Variants in TVP23C observed in about 807,000 individuals in gnomAD.
The protein encoded by TVP23C is Golgi apparatus membrane protein TVP23 homolog C.
In TVP23C, 19 loss-of-function variants were observed where a neutral mutation model predicts 28.7. The observed-to-expected ratio is 0.66, with a 90% CI of 0.46 to 0.97. The LOEUF is 0.97. TVP23C is among the 50% of genes least tolerant of loss of function. The pLI is 0.00. For missense variants in TVP23C, 186 were observed against 241.3 expected (o/e 0.77, Z 1.52); for synonymous variants, 68 against 81.7 (o/e 0.83, Z 0.90).
chr17:15,519,145 A>C (rs1466470761), intron 5 of TVP23C, among the ~76,000 whole-genome samples: 1 of 152,146 alleles, frequency 6.6e-6, no homozygotes, highest in Non-Finnish European at 1.5e-5. Flanking sequence ...ACCCAGTCTC[A>C]GGTGGTTTTT....
chr17:15,544,142 T>G (rs1457139138), intron 5 of TVP23C, among the ~76,000 whole-genome samples: 1 of 151,452 alleles, frequency 6.6e-6, no homozygotes, highest in African/African-American at 2.4e-5. Flanking sequence ...CTCCAAGATA[T>G]TCAGTGAAAG....
intron 3 of TVP23C, among the ~76,000 whole-genome samples, chr17:15,547,398 T>G (rs1213767016): frequency 3.3e-5 from 5 of 151,914 alleles, no homozygotes; most frequent in Non-Finnish European, 4.4e-5. Context: ...CCTTCTCTTT[T>G]CCCTCATGAA....
intron 3 of TVP23C, among the ~76,000 whole-genome samples, chr17:15,551,543 T>C (rs1243303809): frequency 6.6e-6 from 1 of 152,192 alleles, no homozygotes; most frequent in Non-Finnish European, 1.5e-5. Context: ...CTACCTCTTC[T>C]TTATCTTCAT....
chr17:15,522,704 A>G (rs1157160445), intron 5 of TVP23C, among the ~76,000 whole-genome samples: 1 of 152,194 alleles, frequency 6.6e-6, no homozygotes, highest in African/African-American at 2.4e-5. Context: ...AGAAGTCATA[A>G]AAGTTGGTAA....
chr17:15,517,018 T>C (rs1982257039), intron 5 of TVP23C, among the ~76,000 whole-genome samples: 1 of 152,242 alleles, frequency 6.6e-6, no homozygotes, highest in Non-Finnish European at 1.5e-5. Flanking sequence ...AAGCCCCCCA[T>C]CAGTCAGTTC....
intron 5 of TVP23C, among the ~76,000 whole-genome samples, chr17:15,504,046 A>G (rs1295683449): frequency 6.6e-6 from 1 of 152,166 alleles, no homozygotes; most frequent in Non-Finnish European, 1.5e-5. Flanking sequence ...CAGTCTCCTG[A>G]GAGCAAGCAT....
chr17:15,526,946 TAGG>T (rs982023113), intron 5 of TVP23C, among the ~76,000 whole-genome samples: 3 of 152,212 alleles, frequency 2.0e-5, no homozygotes, highest in African/African-American at 4.8e-5. Flanking sequence ...ATAAAATTTA[TAGG>T]AGGTCATTGG....
exon 6 of TVP23C, chr17:15,502,671 T>C (rs1376038955): frequency 5.1e-6 from 5 of 988,278 alleles, no homozygotes; most frequent in Non-Finnish European, 4.2e-6. Flanking sequence ...TTCTGCCCTT[T>C]TCCCCTTAGT....
At chr17:15,518,507 C>T (rs796819403) in intron 5 of TVP23C, among the ~76,000 whole-genome samples, 1 of 152,210 alleles carries the variant, frequency 6.6e-6, no homozygotes, top group African/African-American at 2.4e-5. Flanking sequence ...CAGCTGGGCT[C>T]TCAGCAGCTG....
intron 5 of TVP23C, among the ~76,000 whole-genome samples, chr17:15,524,372 G>A (rs547491634): frequency 2.6e-4 from 39 of 152,196 alleles, no homozygotes; most frequent in Admixed American, 6.5e-4. Flanking sequence ...ATCCAGCTCT[G>A]TTCTAGGTAC....
At chr17:15,552,365 C>G (rs1422425682) in intron 3 of TVP23C, among the ~76,000 whole-genome samples, 1 of 152,176 alleles carries the variant, frequency 6.6e-6, no homozygotes, top group Non-Finnish European at 1.5e-5. Flanking sequence ...CATCACCAAG[C>G]CAACCACTTC....
chr17:15,539,284 C>A lies in TVP23C; in HGVS notation c.*1128G>T. On this transcript the variant is annotated 3_prime_UTR_variant, in exon 6 of 6. Transcript: ENST00000518321. ...AATATCACTTGCCCAACCTACTGTA[C>A]TAACCAAATGCAAGGTATTACTCAT... The A allele has an allele frequency of 1.0e-6, 1 of 985,436 alleles. No individual in the cohort carries two copies. 61.0% of individuals were successfully genotyped at this position (985,436 alleles called of 1,614,324 possible). A position where few individuals can be genotyped will look rare whatever the true frequency, so the allele number is the denominator to read the frequency against.
intron 5 of TVP23C, among the ~76,000 whole-genome samples, chr17:15,514,968 G>C (rs999329730): frequency 6.6e-6 from 1 of 152,132 alleles, no homozygotes; most frequent in African/African-American, 2.4e-5. Context: ...CAGGTTAGGG[G>C]CATCTTTCCC....
At chr17:15,503,469 C>A in intron 5 of TVP23C, 1 of 412,192 alleles carries the variant, frequency 2.4e-6, no homozygotes, top group Non-Finnish European at 4.3e-6. Flanking sequence ...TAGACATGAA[C>A]AGTGAAGGGG....
chr17:15,549,906 G>A (rs1461215922), intron 3 of TVP23C, among the ~76,000 whole-genome samples: 16 of 151,856 alleles, frequency 1.1e-4, no homozygotes, highest in African/African-American at 3.4e-4. Context: ...AAATTCCTAT[G>A]GGAGAGATGC....
chr17:15,504,949 ATCT>A (rs1203375345), intron 5 of TVP23C, among the ~76,000 whole-genome samples: 8 of 152,076 alleles, frequency 5.3e-5, no homozygotes, highest in Non-Finnish European at 7.4e-5. Context: ...CTTTCCATTG[ATCT>A]TCTTCTGGAA....
chr17:15,554,858 TAA>T (rs1984058829), intron 2 of TVP23C, among the ~76,000 whole-genome samples: 1 of 152,214 alleles, frequency 6.6e-6, no homozygotes, highest in Admixed American at 6.5e-5. Flanking sequence ...GAAAGAAAAG[TAA>T]AAAACAGCAT....
At chr17:15,536,374 C>G (rs929422714), downstream of TVP23C, among the ~76,000 whole-genome samples, 1 of 152,064 alleles carries the variant, frequency 6.6e-6, no homozygotes, top group African/African-American at 2.4e-5. Context: ...GATGGGCGTG[C>G]CTCCTCCTTT....
At chr17:15,506,950 A>G in intron 5 of TVP23C, 3 of 1,210,940 alleles carry the variant, frequency 2.5e-6, no homozygotes, top group Non-Finnish European at 3.6e-6. Flanking sequence ...TGCAAACAAG[A>G]TTCCAAAGAC....
Sources: gnomAD v4.1 joint callset for allele counts (sites outside exome capture counted in the v4.1 genomes callset) on GRCh38, gnomAD v4.1.1 for gene constraint, MANE v1.5 for transcripts, NCBI Gene and HGNC (gene_info 2026-07-23, HGNC 2026-07-21) for gene names.